The following DLGAP2 variants were observed in gnomAD, a reference collection of about 807,000 sequenced individuals.
DLGAP2 encodes the protein DLG associated protein 2, also known as disks large-associated protein 2.
Under a neutral mutation model 100.3 loss-of-function variants are expected in DLGAP2, and 26 were observed. The observed-to-expected ratio is 0.26, with a 90% CI of 0.19 to 0.36. The LOEUF (loss-of-function observed/expected upper bound fraction) is 0.36, where lower values mean the gene tolerates loss of function less well. DLGAP2 is among the 10% of genes least tolerant of loss of function. The pLI is 1.00. For missense variants in DLGAP2, 1,858 were observed against 1,453.2 expected (o/e 1.28, Z -4.53); for synonymous variants, 886 against 630.1 (o/e 1.41, Z -6.08).
At chr8:1,694,860 T>G (rs1799341399) in intron 13 of DLGAP2, among the ~76,000 whole-genome samples, 2 of 152,314 alleles carry the variant, frequency 1.3e-5, no homozygotes, top group Non-Finnish European at 2.9e-5. Flanking sequence ...CATTGACTTT[T>G]TTTTTTTATT....
Position 1,605,946 on chromosome 8 carries a change from C to G in DLGAP2, c.1443-20794C>G, listed in dbSNP as rs569246050. Among the ~76,000 whole-genome samples the G allele has an allele frequency of 2.0e-5, 3 of 152,240 alleles. No individual in the cohort carries two copies. In the East Asian group the frequency reaches 5.8e-4, roughly 29 times the overall value. On this transcript the variant is annotated intron_variant, in intron 6 of 14. Transcript: ENST00000637795. The stretch of plus-strand genomic sequence containing the variant: ...GCTCGTGCTGTAGAACGTGTCACCT[C>G]TGAGTGAAGACTTTCTCTTCTTGTT...
At chr8:978,831 A>T (rs570852189) in intron 2 of DLGAP2, among the ~76,000 whole-genome samples, 1 of 152,332 alleles carries the variant, frequency 6.6e-6, no homozygotes, top group East Asian at 1.9e-4. Context: ...TGACAAAACC[A>T]GGTTTCTTTA....
chr8:1,698,921 G>T (rs1051594406), intron 14 of DLGAP2, among the ~76,000 whole-genome samples: 2 of 151,904 alleles, frequency 1.3e-5, no homozygotes, highest in African/African-American at 4.8e-5. Context: ...GCCATGCATG[G>T]GACTAGGCAG....
intron 2 of DLGAP2, among the ~76,000 whole-genome samples, chr8:981,678 G>A (rs1251478494): frequency 1.3e-5 from 2 of 152,116 alleles, no homozygotes; most frequent in African/African-American, 2.4e-5. Flanking sequence ...AATTAGTGAC[G>A]TTGAGCACCT....
At chr8:1,336,663 C>T (rs982599655) in intron 3 of DLGAP2, among the ~76,000 whole-genome samples, 2 of 152,306 alleles carry the variant, frequency 1.3e-5, no homozygotes, top group African/African-American at 2.4e-5. Context: ...GCTGGGGCCC[C>T]TCAAGGAACG....
chr8:1,420,909 C>A (rs994556749), intron 3 of DLGAP2, among the ~76,000 whole-genome samples: 2 of 152,144 alleles, frequency 1.3e-5, no homozygotes, highest in Non-Finnish European at 2.9e-5. Flanking sequence ...TGGCAAGGGT[C>A]TTTCTTTCTT....
intron 2 of DLGAP2, among the ~76,000 whole-genome samples, chr8:1,146,702 G>A (rs1056093059): frequency 6.6e-6 from 1 of 152,138 alleles, no homozygotes; most frequent in South Asian, 2.1e-4. Context: ...GGGAGAGGGG[G>A]GGCTACATTC....
At chr8:810,484 T>A (rs1201943876) in intron 1 of DLGAP2, among the ~76,000 whole-genome samples, 5 of 152,350 alleles carry the variant, frequency 3.3e-5, no homozygotes, top group African/African-American at 1.2e-4. Context: ...CACAAAGCTG[T>A]TTGCCACCTA....
chr8:852,070 C>G (rs1020539607), intron 1 of DLGAP2, among the ~76,000 whole-genome samples: 1 of 152,178 alleles, frequency 6.6e-6, no homozygotes, highest in Non-Finnish European at 1.5e-5. Flanking sequence ...CTCCTGCCAG[C>G]TGTGAGAATT....
intron 3 of DLGAP2, among the ~76,000 whole-genome samples, chr8:1,336,681 C>G (rs950364594): frequency 6.6e-6 from 1 of 152,194 alleles, no homozygotes; most frequent in Non-Finnish European, 1.5e-5. Flanking sequence ...ACGTGTCTTG[C>G]TTCTGTTGAG....
In DLGAP2 at chr8:1,360,729, C is replaced by T. The variant is rs78552345; in HGVS notation, c.106+101846C>T. ...CATGGAGATCGGTGGCCTCGTTCTT[C>T]CGGTAGCTTCCAAACTCCTGTTTGA... On this transcript the variant is annotated intron_variant, in intron 3 of 14. Coordinates refer to ENST00000637795, the MANE Select transcript of DLGAP2 (RefSeq NM_001346810.2). Among the ~76,000 whole-genome samples, 867 of 152,256 alleles carry T rather than the reference C, an allele frequency of 5.7e-3. 6 individuals are homozygous for T. Among genetic ancestry groups the T allele is most frequent in the African/African-American group, 0.02 (821 of 41,544 alleles).
At chr8:1,310,647 T>G (rs1053053507) in intron 3 of DLGAP2, among the ~76,000 whole-genome samples, 10 of 151,990 alleles carry the variant, frequency 6.6e-5, no homozygotes, top group Non-Finnish European at 8.8e-5. Flanking sequence ...AAAGTTGGGT[T>G]TTTTTTTGTT....
chr8:766,464 C>G (rs1315509881), intron 1 of DLGAP2, among the ~76,000 whole-genome samples: 1 of 152,212 alleles, frequency 6.6e-6, no homozygotes, highest in African/African-American at 2.4e-5. Context: ...CGGAATTGAA[C>G]TCTGGGGTGA....
intron 3 of DLGAP2, among the ~76,000 whole-genome samples, chr8:1,392,285 G>T (rs1325631749): frequency 6.6e-6 from 1 of 152,126 alleles, no homozygotes. Context: ...TCGAGGCGCA[G>T]TCCAGATCCT....
chr8:1,446,306 A>C (rs1458779531), intron 3 of DLGAP2, among the ~76,000 whole-genome samples: 1 of 152,036 alleles, frequency 6.6e-6, no homozygotes, highest in Admixed American at 6.5e-5. Flanking sequence ...AGCTTTCTAC[A>C]TATGGCTAGC....
intron 7 of DLGAP2, among the ~76,000 whole-genome samples, chr8:1,627,120 G>A (rs117088900): frequency 0.012 from 1,807 of 152,294 alleles, 20 homozygotes; most frequent in Non-Finnish European, 0.019. Flanking sequence ...ATTTTTTTCT[G>A]AGGAAGCAAT....
chr8:1,115,560 C>T (rs1239130969), intron 2 of DLGAP2, among the ~76,000 whole-genome samples: 7 of 152,172 alleles, frequency 4.6e-5, no homozygotes, highest in South Asian at 4.1e-4. Flanking sequence ...GCCTACCACA[C>T]CATAGATGCT....
intron 2 of DLGAP2, among the ~76,000 whole-genome samples, chr8:1,042,536 C>T (rs548887723): frequency 5.9e-5 from 9 of 152,256 alleles, no homozygotes; most frequent in African/African-American, 1.4e-4. Context: ...AGCCGTGAAG[C>T]GTAGCCCAGG....
intron 3 of DLGAP2, among the ~76,000 whole-genome samples, chr8:1,452,637 C>T (rs1376146370): frequency 1.3e-5 from 2 of 152,168 alleles, no homozygotes; most frequent in Non-Finnish European, 2.9e-5. Context: ...GGGAAACAGA[C>T]CACTTAGGAG....
Sources: allele counts gnomAD v4.1 joint callset (sites outside exome capture counted in the v4.1 genomes callset), GRCh38; gene constraint gnomAD v4.1.1; transcripts MANE v1.5; gene names NCBI Gene and HGNC (gene_info 2026-07-23, HGNC 2026-07-21).